Variants in PPP2R5D observed in about 807,000 individuals in gnomAD.
PPP2R5D encodes the protein protein phosphatase 2 regulatory subunit B'delta.
A neutral mutation model predicts 79.1 loss-of-function variants in PPP2R5D; 12 were observed. The ratio of observed to expected loss-of-function variants is 0.15; its 90% CI spans 0.10 to 0.25. PPP2R5D has a LOEUF of 0.25. Among genes scored for constraint, PPP2R5D ranks in the 10% least tolerant of loss-of-function variants. The pLI is 1.00. For missense variants in PPP2R5D, 419 were observed against 760.2 expected (o/e 0.55, Z 5.28); for synonymous variants, 277 against 286.6 (o/e 0.97, Z 0.34).
chr6:42,995,126 C>CTTTTTTTTTTTTTTTTTTTTTTTTTTTTT (rs889250251), intron 2 of PPP2R5D, among the ~76,000 whole-genome samples: 4 of 106,352 alleles, frequency 3.8e-5, no homozygotes, highest in East Asian at 2.9e-4. Context: ...CTTTTTCTTT[C>CTTTTTTTTTTTTTTTTTTTTTTTTTTTTT]TTTTTTTTTT....
At chr6:42,990,588 G>T (rs181602645) in intron 2 of PPP2R5D, among the ~76,000 whole-genome samples, 13 of 151,940 alleles carry the variant, frequency 8.6e-5, no homozygotes, top group Admixed American at 7.9e-4. Flanking sequence ...CTCATTTTAG[G>T]CCTCATTTAA....
intron 1 of PPP2R5D, among the ~76,000 whole-genome samples, chr6:42,987,363 C>T (rs6941129): frequency 0.098 from 14,893 of 152,156 alleles, 1,184 homozygotes; most frequent in African/African-American, 0.22. Context: ...TGGGACTTAC[C>T]TCTTTTATTT....
chr6:43,000,655 C>T (rs963516958), intron 2 of PPP2R5D, among the ~76,000 whole-genome samples: 2 of 152,202 alleles, frequency 1.3e-5, no homozygotes, highest in African/African-American at 4.8e-5. Context: ...GTGTCTGCAT[C>T]TTACCTGGAA....
intron 1 of PPP2R5D, among the ~76,000 whole-genome samples, chr6:42,988,089 T>TC (rs1770985823): frequency 6.6e-6 from 1 of 152,096 alleles, no homozygotes; most frequent in African/African-American, 2.4e-5. Flanking sequence ...ATGGAGCTGC[T>TC]CTACACCACA....
Position 43,012,085 on chromosome 6 carries a change from A to G in PPP2R5D, c.*799A>G. The G allele has an allele frequency of 1.9e-6, 1 of 532,248 alleles. No homozygotes were observed. Among genetic ancestry groups the G allele is most frequent in the Non-Finnish European group, 2.4e-6 (1 of 413,434 alleles). 33.0% of individuals were successfully genotyped at this position (532,248 alleles called of 1,614,324 possible). ...AGAAGGAAGCAGGGAGCGGTGCCCC[A>G]AGCATGGCTCCTGCCAACACCTATT... On this transcript the variant is annotated 3_prime_UTR_variant, in exon 16 of 16. Coordinates refer to ENST00000485511, the MANE Select transcript of PPP2R5D (RefSeq NM_006245.4).
At chr6:42,996,901 A>G (rs1433725849) in intron 2 of PPP2R5D, among the ~76,000 whole-genome samples, 1 of 152,192 alleles carries the variant, frequency 6.6e-6, no homozygotes, top group Non-Finnish European at 1.5e-5. Context: ...TGCAAAAGAG[A>G]TATAATATTT....
intron 2 of PPP2R5D, among the ~76,000 whole-genome samples, chr6:42,997,684 A>G (rs1771803769): frequency 6.6e-6 from 1 of 151,296 alleles, no homozygotes; most frequent in Non-Finnish European, 1.5e-5. Context: ...TAATTTTTGT[A>G]CTAAAAGTAC....
chr6:42,987,624 G>T (rs1029570535), intron 1 of PPP2R5D, among the ~76,000 whole-genome samples: 1 of 152,112 alleles, frequency 6.6e-6, no homozygotes, highest in Non-Finnish European at 1.5e-5. Context: ...TTTAACCTCT[G>T]TGCTACACAG....
intron 2 of PPP2R5D, among the ~76,000 whole-genome samples, chr6:42,994,755 T>A (rs1051060538): frequency 6.6e-6 from 1 of 151,354 alleles, no homozygotes; most frequent in African/African-American, 2.4e-5. Flanking sequence ...GAGACAGAGG[T>A]TGCAGTGAGC....
intron 2 of PPP2R5D, among the ~76,000 whole-genome samples, chr6:42,998,018 TATATATATA>T (rs1771848233): frequency 1.2e-4 from 1 of 8,186 alleles, no homozygotes; most frequent in African/African-American, 5.4e-4. Flanking sequence ...GTTTTATTTA[TATATATATA>T]TATATATATA....
chr6:42,989,837 T>A (rs1771131214), intron 2 of PPP2R5D, 149 bp downstream of exon 2: 1 of 702,704 alleles, frequency 1.4e-6, no homozygotes, highest in South Asian at 2.0e-5. Flanking sequence ...CAGACTGCCC[T>A]CAGGCAGGAT....
chr6:42,999,506 T>G (rs969695367), intron 2 of PPP2R5D, among the ~76,000 whole-genome samples: 6 of 152,186 alleles, frequency 3.9e-5, no homozygotes, highest in Non-Finnish European at 7.3e-5. Context: ...AACACAATGC[T>G]AGTGTAGAAA....
chr6:42,994,403 A>G (rs1771484034), intron 2 of PPP2R5D, among the ~76,000 whole-genome samples: 1 of 152,204 alleles, frequency 6.6e-6, no homozygotes, highest in Admixed American at 6.5e-5. Context: ...ATGAAGTGAT[A>G]CTGCTGGCTC....
chr6:43,009,517 TA>T lies in PPP2R5D; in HGVS notation c.1379+71del, dbSNP rs1214333012. The T allele has an allele frequency of 6.2e-7, 1 of 1,601,122 alleles. No homozygotes were observed. The highest frequency in any genetic ancestry group is 8.5e-7 in the Non-Finnish European group (1 of 1,171,588). On this transcript the variant is annotated intron_variant, in intron 12 of 15. Coordinates refer to ENST00000485511, the MANE Select transcript of PPP2R5D (RefSeq NM_006245.4). This position sits in a 1 kb window ranked among gnomAD's most constrained non-coding sequence, Gnocchi z 5.6. ...GGAAACTTTGAGGGTATGGAAGAAC[TA>T]AAGAGCCAGGGGTCTCACCTAGTCA...
At chr6:42,994,519 G>GA (rs201857456) in intron 2 of PPP2R5D, among the ~76,000 whole-genome samples, 16,636 of 150,684 alleles carry the variant, frequency 0.11, 979 homozygotes, top group Middle Eastern at 0.12. Context: ...TCTGTCCTTG[G>GA]AAAAAAAAAT....
At chr6:42,987,360 T>TA (rs1160263643) in intron 1 of PPP2R5D, among the ~76,000 whole-genome samples, 2 of 152,198 alleles carry the variant, frequency 1.3e-5, no homozygotes, top group Non-Finnish European at 2.9e-5. Context: ...CTCTGGGACT[T>TA]ACCTCTTTTA....
intron 2 of PPP2R5D, among the ~76,000 whole-genome samples, chr6:42,998,430 G>C (rs1414590335): frequency 2.0e-5 from 3 of 152,050 alleles, no homozygotes; most frequent in Non-Finnish European, 2.9e-5. Context: ...GATAGGTTCA[G>C]AGTAGGCACG....
chr6:42,998,439 C>A (rs114432061), intron 2 of PPP2R5D, among the ~76,000 whole-genome samples: 65 of 151,904 alleles, frequency 4.3e-4, no homozygotes, highest in Non-Finnish European at 7.5e-4. Flanking sequence ...AGAGTAGGCA[C>A]GTTTAGTTGG....
chr6:43,010,444 C>T lies in PPP2R5D; in HGVS notation c.1380-24C>T. 1 of 1,606,540 alleles carries T rather than the reference C, an allele frequency of 6.2e-7. No homozygotes were observed. The highest frequency in any genetic ancestry group is 8.5e-7 in the Non-Finnish European group (1 of 1,173,272). Reference sequence around the variant, plus strand: ...TAAGGGCAGGCTCTGGCCTCCTACACCTCATCTTTCTTCTTGGTGGCAGGA... The same window carrying T: ...TAAGGGCAGGCTCTGGCCTCCTACATCTCATCTTTCTTCTTGGTGGCAGGA... On this transcript the variant is annotated intron_variant, in intron 12 of 15. Transcript: ENST00000485511. The surrounding 1 kb of genome is among the most constrained non-coding windows in gnomAD (Gnocchi z 4.7).
Sources: gnomAD v4.1 joint callset for allele counts (sites outside exome capture counted in the v4.1 genomes callset) on GRCh38, gnomAD v4.1.1 for gene constraint, Gnocchi (gnomAD v3.1) non-coding constraint, MANE v1.5 for transcripts, NCBI Gene and HGNC (gene_info 2026-07-23, HGNC 2026-07-21) for gene names.